Variants in RANBP2 observed in about 807,000 individuals in gnomAD.
The protein encoded by RANBP2 is RAN binding protein 2.
A neutral mutation model predicts 303.6 loss-of-function variants in RANBP2; 57 were observed. The observed-to-expected ratio is 0.19, with a 90% CI of 0.15 to 0.23. RANBP2 has a LOEUF of 0.23. RANBP2 is among the 10% of genes least tolerant of loss of function. The pLI is 1.00. For synonymous variants in RANBP2, 1,167 were observed against 1,301.5 expected (o/e 0.90, Z 2.23); for missense variants, 3,138 against 3,780.8 (o/e 0.83, Z 4.46).
chr2:108,951,898 T>C, the RANBP2 span, among the ~76,000 whole-genome samples: 1 of 152,218 alleles, frequency 6.6e-6, no homozygotes, highest in African/African-American at 2.4e-5. Context: ...AGGTATTGAA[T>C]GGTGTACAAT....
chr2:109,215,639 G>T, the RANBP2 span, among the ~76,000 whole-genome samples: 1 of 152,106 alleles, frequency 6.6e-6, no homozygotes, highest in Non-Finnish European at 1.5e-5. Flanking sequence ...TGCCAGGAAG[G>T]GTGCTGGGCT....
At chr2:109,177,568 T>C in the RANBP2 span, among the ~76,000 whole-genome samples, 1 of 152,034 alleles carries the variant, frequency 6.6e-6, no homozygotes, top group South Asian at 2.1e-4. Context: ...GCACCATTCC[T>C]ACAAAGTTAG....
chr2:108,914,655 C>T, the RANBP2 span, among the ~76,000 whole-genome samples: 1 of 152,236 alleles, frequency 6.6e-6, no homozygotes, highest in Admixed American at 6.5e-5. Context: ...GGCCAGACTT[C>T]AGTTTTGCAA....
chr2:108,745,809 G>C (rs1178413472), intron 7 of RANBP2, among the ~76,000 whole-genome samples: 1 of 151,634 alleles, frequency 6.6e-6, no homozygotes, highest in African/African-American at 2.4e-5. Context: ...ATGCAGGGTC[G>C]AAAAGTAATG....
At chr2:109,366,725 C>T in the RANBP2 span, among the ~76,000 whole-genome samples, 70 of 152,238 alleles carry the variant, frequency 4.6e-4, no homozygotes, top group African/African-American at 1.5e-3. Context: ...TGGTGGCACA[C>T]GCCTGTGGTC....
At chr2:109,244,771 C>T in the RANBP2 span, among the ~76,000 whole-genome samples, 2 of 152,194 alleles carry the variant, frequency 1.3e-5, no homozygotes, top group South Asian at 4.1e-4. Flanking sequence ...CTTGAGGCAG[C>T]CTGTGGCCCA....
At chr2:109,720,777 C>T in the RANBP2 span, among the ~76,000 whole-genome samples, 2 of 152,226 alleles carry the variant, frequency 1.3e-5, no homozygotes, top group African/African-American at 4.8e-5. Context: ...ACCTGATTTG[C>T]TCTTCTCCCC....
chr2:109,615,706 C>T, the RANBP2 span: 2 of 1,613,450 alleles, frequency 1.2e-6, no homozygotes, highest in Non-Finnish European at 1.7e-6. Flanking sequence ...GAAAGCGCCG[C>T]GGGTAGCGGC....
At chr2:109,006,934 C>T in the RANBP2 span, among the ~76,000 whole-genome samples, 2 of 152,150 alleles carry the variant, frequency 1.3e-5, no homozygotes, top group Non-Finnish European at 1.5e-5. Flanking sequence ...AATTTGATTA[C>T]TTTGGAAAAC....
At chr2:109,507,244 C>T in the RANBP2 span, among the ~76,000 whole-genome samples, 1 of 152,194 alleles carries the variant, frequency 6.6e-6, no homozygotes, top group Non-Finnish European at 1.5e-5. Flanking sequence ...ATGCACCCCC[C>T]TTCCCGAGCC....
the RANBP2 span, chr2:109,614,408 C>G: frequency 2.8e-6 from 3 of 1,053,256 alleles, no homozygotes; most frequent in Admixed American, 1.3e-4. Flanking sequence ...GACTCCGCCG[C>G]CGTCGGGAGC....
At chr2:108,970,582 A>C in the RANBP2 span, among the ~76,000 whole-genome samples, 1 of 152,064 alleles carries the variant, frequency 6.6e-6, no homozygotes, top group Non-Finnish European at 1.5e-5. Flanking sequence ...GGCAGGCCAC[A>C]CAGAGAATAA....
the RANBP2 span, chr2:109,449,156 A>G: frequency 6.2e-7 from 1 of 1,611,656 alleles, no homozygotes; most frequent in South Asian, 1.1e-5. Context: ...CTGTCTCTCC[A>G]ACCCCGTCTC....
the RANBP2 span, among the ~76,000 whole-genome samples, chr2:109,220,042 TA>T: frequency 6.6e-6 from 1 of 152,228 alleles, no homozygotes; most frequent in Non-Finnish European, 1.5e-5. Context: ...TAAGCAATAG[TA>T]ATCAAAACTA....
chr2:109,010,967 TGTAC>T, the RANBP2 span, among the ~76,000 whole-genome samples: 1 of 152,170 alleles, frequency 6.6e-6, no homozygotes, highest in East Asian at 1.9e-4. Flanking sequence ...ACCTTTCCAC[TGTAC>T]ATGGCTGCTG....
the RANBP2 span, chr2:109,544,901 T>C: frequency 2.1e-5 from 20 of 935,766 alleles, no homozygotes; most frequent in Admixed American, 1.2e-3. Context: ...TGAAAGATCA[T>C]ACATGAGAAT....
chr2:109,634,407 T>A, the RANBP2 span, among the ~76,000 whole-genome samples: 33,029 of 152,078 alleles, frequency 0.22, 4,034 homozygotes, highest in Admixed American at 0.34. Context: ...AGGCTGAATT[T>A]GTATCTGAAT....
At chr2:108,737,979 G>A (rs557694865) in intron 6 of RANBP2, among the ~76,000 whole-genome samples, 1 of 151,510 alleles carries the variant, frequency 6.6e-6, no homozygotes, top group Non-Finnish European at 1.5e-5. Flanking sequence ...CTCCCAAAGT[G>A]TTGGGATTAC....
At chr2:109,053,362 G>C in the RANBP2 span, among the ~76,000 whole-genome samples, 4 of 152,346 alleles carry the variant, frequency 2.6e-5, no homozygotes, top group Admixed American at 6.5e-5. Flanking sequence ...CAAATAACTG[G>C]AATGTGCCAG....
Sources: gnomAD v4.1 joint callset for allele counts (sites outside exome capture counted in the v4.1 genomes callset) on GRCh38, gnomAD v4.1.1 for gene constraint, MANE v1.5 for transcripts, NCBI Gene and HGNC (gene_info 2026-07-23, HGNC 2026-07-21) for gene names.